Variants in ALDH1A2 observed in about 807,000 individuals in gnomAD.
ALDH1A2 encodes the protein retinal dehydrogenase 2.
A neutral mutation model predicts 60.3 loss-of-function variants in ALDH1A2; 27 were observed. The observed-to-expected ratio is 0.45, with a 90% CI of 0.33 to 0.62. The LOEUF (loss-of-function observed/expected upper bound fraction) is 0.62, where lower values mean the gene tolerates loss of function less well. ALDH1A2 is among the 20% of genes least tolerant of loss of function. The pLI, the probability that ALDH1A2 is intolerant of heterozygous loss-of-function variation, is 0.02. For missense variants in ALDH1A2, 581 were observed against 643.8 expected, an observed-to-expected ratio of 0.90 and a Z score of 1.06; for synonymous variants, 289 against 232.4, an observed-to-expected ratio of 1.24 and a Z score of -2.21.
At chr15:58,030,266 T>C (rs1385865691) in intron 1 of ALDH1A2, among the ~76,000 whole-genome samples, 1 of 152,158 alleles carries the variant, frequency 6.6e-6, no homozygotes, top group African/African-American at 2.4e-5. Flanking sequence ...ATCCATCGCA[T>C]AAACAGAACC....
At chr15:57,966,043 G>C (rs4646620) in intron 7 of ALDH1A2, among the ~76,000 whole-genome samples, 2 of 151,924 alleles carry the variant, frequency 1.3e-5, no homozygotes, top group African/African-American at 4.8e-5. Context: ...CTTTAGTTTC[G>C]TGATGGAAGG....
intron 4 of ALDH1A2, among the ~76,000 whole-genome samples, chr15:58,002,193 T>G (rs1595657870): frequency 6.6e-6 from 1 of 151,904 alleles, no homozygotes; most frequent in Admixed American, 6.6e-5. Context: ...TGCTATGAAT[T>G]TGGCTGAGCT....
At position 58,013,979 on chromosome 15, in the gene ALDH1A2, A is replaced by G. The variant is rs1228433800; in HGVS notation, c.242T>C (p.Val81Ala). ...EADKADIDKAVQAARLAFSLG... is the reference protein window; with the variant it reads ...EADKADIDKAAQAARLAFSLG... ...AGAGAAAGCCAGGCGGGCTGCCTGCACTGCTTTGTCTATATCTGCCTGTTA... is the reference window on the plus strand; with the variant it reads ...AGAGAAAGCCAGGCGGGCTGCCTGCGCTGCTTTGTCTATATCTGCCTGTTA... Residue 81 changes from valine to alanine, a missense_variant, in exon 3 of 13, where the codon GTG becomes GCG. Coordinates refer to ENST00000249750, the MANE Select transcript of ALDH1A2 (RefSeq NM_003888.4). 6.2e-7 allele frequency: 1 copy of G among 1,613,998 alleles called. No individual in the cohort carries two copies. Among genetic ancestry groups the G allele is most frequent in the Non-Finnish European group, 8.5e-7 (1 of 1,179,988 alleles).
chr15:58,037,656 G>A lies in ALDH1A2; in HGVS notation c.118-23375C>T, dbSNP rs556901534. Among the ~76,000 whole-genome samples, 37 of 151,748 alleles carry A rather than the reference G, an allele frequency of 2.4e-4. 1 individual carries two copies. The East Asian group carries it at 6.6e-3, about 27-fold the overall frequency. On this transcript the variant is annotated intron_variant, in intron 1 of 12. Coordinates refer to ENST00000249750, the MANE Select transcript of ALDH1A2 (RefSeq NM_003888.4). ...TTTGCAGACCTAGATTATGCTTTTGGTTTTGGTCAATTTCTGCATTTAGCT... is the reference window on the plus strand; with the variant it reads ...TTTGCAGACCTAGATTATGCTTTTGATTTTGGTCAATTTCTGCATTTAGCT...
chr15:57,964,376 C>G (rs1307118188), intron 8 of ALDH1A2: 27 of 294,342 alleles, frequency 9.2e-5, no homozygotes, highest in Non-Finnish European at 1.3e-5. Context: ...AGGTATGAGT[C>G]TGCCAGGTGG....
chr15:57,962,207 T>C (rs1157104929), intron 9 of ALDH1A2, 31 bp from the exon 10 acceptor site: 1 of 1,608,408 alleles, frequency 6.2e-7, no homozygotes, highest in Admixed American at 1.7e-5. Flanking sequence ...TGACTCCAAA[T>C]ATAACCTTCT....
chr15:58,042,741 C>G (rs1191433141), intron 1 of ALDH1A2, among the ~76,000 whole-genome samples: 1 of 151,804 alleles, frequency 6.6e-6, no homozygotes, highest in Admixed American at 6.6e-5. Context: ...CTGTGGTCAC[C>G]AAGACTATGG....
intron 1 of ALDH1A2, among the ~76,000 whole-genome samples, chr15:58,062,166 A>C (rs1897055594): frequency 6.6e-6 from 1 of 152,152 alleles, no homozygotes; most frequent in Non-Finnish European, 1.5e-5. Context: ...TTATGTTATA[A>C]ATACCCTCTT....
At chr15:58,063,948 G>T (rs1032190024) in intron 1 of ALDH1A2, among the ~76,000 whole-genome samples, 1 of 149,104 alleles carries the variant, frequency 6.7e-6, no homozygotes, top group African/African-American at 2.5e-5. Context: ...GGGTAGTTAG[G>T]GAGTAAGAGA....
At chr15:58,053,230 C>T (rs1232419534) in intron 1 of ALDH1A2, among the ~76,000 whole-genome samples, 2 of 152,100 alleles carry the variant, frequency 1.3e-5, no homozygotes, top group Non-Finnish European at 2.9e-5. Flanking sequence ...ATTTAAAATG[C>T]TTCTTCTAAG....
intron 1 of ALDH1A2, among the ~76,000 whole-genome samples, chr15:58,035,192 A>G (rs1448309729): frequency 5.9e-5 from 9 of 151,650 alleles, no homozygotes; most frequent in Admixed American, 5.9e-4. Context: ...TGCATCTTTC[A>G]ATGAATTGGC....
At chr15:58,011,597 T>G (rs1204859611) in intron 3 of ALDH1A2, among the ~76,000 whole-genome samples, 1 of 152,198 alleles carries the variant, frequency 6.6e-6, no homozygotes, top group Non-Finnish European at 1.5e-5. Flanking sequence ...TACAAGTGTA[T>G]TTTATAAGAC....
chr15:57,991,132 T>A (rs1894882872), intron 7 of ALDH1A2, among the ~76,000 whole-genome samples: 1 of 152,198 alleles, frequency 6.6e-6, no homozygotes, highest in African/African-American at 2.4e-5. Context: ...TTAAGAACAT[T>A]TGCAAAGCAA....
In ALDH1A2 at chr15:58,037,251, A is replaced by C. The variant is rs184517647; in HGVS notation, c.118-22970T>G. ...GACAGAGTCATAGAAAGAAGACCTC[A>C]GAAAAGAGAAAAAAAGAATTATGAG... On this transcript the variant is annotated intron_variant, in intron 1 of 12. Transcript: ENST00000249750. Among the ~76,000 whole-genome samples the C allele has an allele frequency of 1.6e-3, 246 of 151,880 alleles. 1 individual carries two copies. Among genetic ancestry groups the C allele is most frequent in the Admixed American group, 0.011 (160 of 15,210 alleles).
At chr15:57,974,099 G>A (rs1894160182) in intron 7 of ALDH1A2, among the ~76,000 whole-genome samples, 2 of 152,030 alleles carry the variant, frequency 1.3e-5, no homozygotes, top group South Asian at 2.1e-4. Flanking sequence ...TGATACTTGC[G>A]ATGCAACAGT....
intron 1 of ALDH1A2, among the ~76,000 whole-genome samples, chr15:58,052,359 T>TA (rs542322419): frequency 3.0e-4 from 45 of 152,212 alleles, no homozygotes; most frequent in Non-Finnish European, 6.2e-4. Context: ...AGAAATCTTA[T>TA]AGCTTTTCTA....
chr15:58,029,904 C>A (rs1437444063), intron 1 of ALDH1A2, among the ~76,000 whole-genome samples: 1 of 152,220 alleles, frequency 6.6e-6, no homozygotes, highest in African/African-American at 2.4e-5. Flanking sequence ...AGCCTACCAA[C>A]CAAAAAGTCC....
intron 1 of ALDH1A2, among the ~76,000 whole-genome samples, chr15:58,042,904 C>T (rs1297583303): frequency 3.9e-5 from 6 of 151,986 alleles, no homozygotes; most frequent in Admixed American, 1.3e-4. Flanking sequence ...AATTGAATTG[C>T]AGTCTTCTCA....
intron 4 of ALDH1A2, among the ~76,000 whole-genome samples, chr15:58,005,120 CCACT>C (rs1438276788): frequency 6.6e-6 from 1 of 151,788 alleles, no homozygotes; most frequent in Non-Finnish European, 1.5e-5. Context: ...ACTTTTAGAT[CCACT>C]AACTCATGGT....
Sources: gnomAD v4.1 joint callset for allele counts (sites outside exome capture counted in the v4.1 genomes callset) on GRCh38, gnomAD v4.1.1 for gene constraint, MANE v1.5 for transcripts, NCBI Gene and HGNC (gene_info 2026-07-23, HGNC 2026-07-21) for gene names.